Variants in CFLAR observed in about 807,000 individuals in gnomAD.
CFLAR encodes the protein CASP8 and FADD-like apoptosis regulator.
CFLAR carries 14 observed loss-of-function variants against 51.1 expected under a neutral mutation model. The ratio of observed to expected loss-of-function variants is 0.27; its 90% confidence interval spans 0.18 to 0.43. CFLAR has a LOEUF of 0.43. Among genes scored for constraint, CFLAR ranks in the 20% least tolerant of loss-of-function variants. The probability of loss-of-function intolerance (pLI) is 1.00; values close to 1 mark genes in which losing one functional copy is unlikely to be tolerated. For missense variants in CFLAR, 390 were observed against 566.5 expected (o/e 0.69, Z 3.16); for synonymous variants, 210 against 211.6 (o/e 0.99, Z 0.06).
chr2:201,142,756 C>T (rs114016573), intron 5 of CFLAR: 4,172 of 153,142 alleles, frequency 0.027, 98 homozygotes, highest in Middle Eastern at 0.08. Context: ...TGTGCCACCA[C>T]GCCCGGGTAA....
intron 1 of CFLAR, among the ~76,000 whole-genome samples, chr2:201,119,772 T>C (rs1165429128): frequency 6.6e-6 from 1 of 151,806 alleles, no homozygotes; most frequent in Non-Finnish European, 1.5e-5. Flanking sequence ...TTAAAATACA[T>C]GCAAAGTAAA....
intron 8 of CFLAR, among the ~76,000 whole-genome samples, chr2:201,152,357 T>C (rs68044560): frequency 0.25 from 38,137 of 151,954 alleles, 5,656 homozygotes; most frequent in African/African-American, 0.41. Flanking sequence ...TTCTCGGCCT[T>C]CTTAAGTCCC....
rs1942896901 is a variant in CFLAR, at chr2:201,160,805, G to A, written c.1167G>A (p.Lys389=). 1 of 1,614,014 alleles carries A rather than the reference G, an allele frequency of 6.2e-7. No homozygotes were observed. Among genetic ancestry groups the A allele is most frequent in the South Asian group, 1.1e-5 (1 of 91,070 alleles). The change falls in exon 9 of 10, where the codon AAG becomes AAA. Residue 389 remains lysine, a synonymous_variant. Transcript: ENST00000309955. ...AGAATGTGGAATTCAAGGCTCAGAA[G>A]CGAGGGCTGTGCACAGTTCACCGAG... ...AMKNVEFKAQ[K]RGLCTVHREA...
intron 5 of CFLAR, chr2:201,141,832 A>C (rs1180000219): frequency 5.3e-6 from 1 of 187,780 alleles, no homozygotes; most frequent in Non-Finnish European, 1.0e-5. Flanking sequence ...TGTTCATATA[A>C]AGATATGTGG....
At position 201,174,928 on chromosome 2, in the gene CFLAR, CCTCTGGTTACCTTTG is replaced by C. The variant is rs1298553241; in HGVS notation, c.*10958_*10972del. Reference sequence around the variant, plus strand: ...AAAACCATGATGGTGACAGAAGAGACCTCTGGTTACCTTTGCTGCCCATTCTATGGTAATTATAAT... The same window carrying C: ...AAAACCATGATGGTGACAGAAGAGACCTGCCCATTCTATGGTAATTATAAT... On this transcript the variant is annotated 3_prime_UTR_variant, in exon 10 of 10. Transcript: ENST00000309955. 6.6e-6 allele frequency: 1 copy of C among 152,162 alleles called. No individual in the cohort carries two copies. Among genetic ancestry groups the C allele is most frequent in the Admixed American group, 6.6e-5 (1 of 15,260 alleles). The allele number at this position is 152,162 out of a possible 1,614,324, so 9.4% of individuals were successfully genotyped here.
At chr2:201,157,889 T>C (rs1277133449) in intron 8 of CFLAR, 1 of 152,244 alleles carries the variant, frequency 6.6e-6, no homozygotes, top group Non-Finnish European at 1.5e-5. Context: ...TAATGGGAAA[T>C]GTCAGCGGTA....
chr2:201,145,097 C>T (rs1327334819), intron 5 of CFLAR, among the ~76,000 whole-genome samples: 1 of 152,186 alleles, frequency 6.6e-6, no homozygotes, highest in Admixed American at 6.5e-5. Flanking sequence ...AGATGATCCA[C>T]CCACCTTGGC....
At position 201,163,961 on chromosome 2, in the gene CFLAR, C is replaced by G; in HGVS notation, c.1431C>G (p.Leu477=). 7 of 1,613,334 alleles carry G rather than the reference C, an allele frequency of 4.3e-6. No individual in the cohort carries two copies. Among genetic ancestry groups the G allele is most frequent in the Non-Finnish European group, 5.9e-6 (7 of 1,179,752 alleles). The stretch of plus-strand genomic sequence containing the variant: ...ACACTCTGAGAAAGAAACTTATCCT[C>G]TCCTACACATAAGAAACCAAAAGGC... ...LQHTLRKKLI[L]SYT is the part of the protein sequence containing the mutation. The change falls in exon 10 of 10, where the codon CTC becomes CTG. Residue 477 remains leucine (L), a synonymous_variant. Transcript: ENST00000309955.
At chr2:201,163,669 C>T in intron 9 of CFLAR, 166 bp from the exon 10 acceptor site, 1 of 1,423,136 alleles carries the variant, frequency 7.0e-7, no homozygotes, top group African/African-American at 1.4e-5. Flanking sequence ...GCCATCAGGC[C>T]AGAGTATTGC....
intron 2 of CFLAR, 41 bp downstream of exon 2, chr2:201,130,187 G>GGGGGGGGGGGGGA: frequency 2.7e-5 from 8 of 292,384 alleles, no homozygotes; most frequent in Middle Eastern, 1.3e-3. Context: ...GGGTGGGAGG[G>GGGGGGGGGGGGGA]AGTGAAGTGT....
chr2:201,130,187 G>GTGGGGGGGGGGC, intron 2 of CFLAR, 41 bp downstream of exon 2: 1 of 292,394 alleles, frequency 3.4e-6, no homozygotes, highest in Non-Finnish European at 7.1e-6. Context: ...GGGTGGGAGG[G>GTGGGGGGGGGGC]AGTGAAGTGT....
chr2:201,118,990 C>G lies in CFLAR; in HGVS notation c.-138+2509C>G, dbSNP rs886637671. ...GACGTCGGGGCACTGTCCCCCGATACTGGCAGAAAAGGATTGAGTCCTCGC... is the reference window on the plus strand; with the variant it reads ...GACGTCGGGGCACTGTCCCCCGATAGTGGCAGAAAAGGATTGAGTCCTCGC... On this transcript the variant is annotated intron_variant, in intron 1 of 9. Coordinates refer to ENST00000309955, the MANE Select transcript of CFLAR (RefSeq NM_003879.7). The surrounding 1 kb of genome is among the most constrained non-coding windows in gnomAD (Gnocchi z 5.1). 2 of 152,276 alleles carry G rather than the reference C, an allele frequency of 1.3e-5. No homozygotes were observed. Among genetic ancestry groups the G allele is most frequent in the African/African-American group, 4.8e-5 (2 of 41,454 alleles). The allele number at this position is 152,276 out of a possible 1,614,324, so 9.4% of individuals were successfully genotyped here. A position where few individuals can be genotyped will look rare whatever the true frequency, so the allele number is the denominator to read the frequency against.
In CFLAR at chr2:201,173,819, C is replaced by G. The variant is rs1298613740; in HGVS notation, c.*9846C>G. The G allele has an allele frequency of 6.6e-6, 1 of 150,912 alleles. No homozygotes were observed. Among genetic ancestry groups the G allele is most frequent in the East Asian group, 2.0e-4 (1 of 5,100 alleles). The allele number at this position is 150,912 out of a possible 1,614,324, so 9.3% of individuals were successfully genotyped here. ...CCCTAGTAACTGGGATTACAGGCAC[C>G]CACCATCACGCCTGGCTAATTTTTG... is the stretch of plus-strand genomic sequence containing the variant. On this transcript the variant is annotated 3_prime_UTR_variant, in exon 10 of 10. Coordinates refer to ENST00000309955, the MANE Select transcript of CFLAR (RefSeq NM_003879.7).
intron 8 of CFLAR, among the ~76,000 whole-genome samples, chr2:201,156,884 CTTCCTCTATTT>C (rs1942266334): frequency 1.3e-5 from 2 of 152,138 alleles, no homozygotes; most frequent in African/African-American, 4.8e-5. Flanking sequence ...CCAAGTTTTT[CTTCCTCTATTT>C]ATGTGCAAGG....
rs1455349600 is a variant in CFLAR at position 201,175,106 on chromosome 2, C to T, written c.*11133C>T. On this transcript the variant is annotated 3_prime_UTR_variant, in exon 10 of 10. Coordinates refer to ENST00000309955, the MANE Select transcript of CFLAR (RefSeq NM_003879.7). ...TCCTGGAAAACTCATGAATAAGCCA[C>T]CTCTTGTTTAGCGTATAGTCAAGAA... 1.3e-5 allele frequency: 2 copies of T among 152,260 alleles called. No homozygotes were observed. The highest frequency in any genetic ancestry group is 2.4e-5 in the African/African-American group (1 of 41,466). 9.4% of individuals were successfully genotyped at this position (152,260 alleles called of 1,614,324 possible).
intron 5 of CFLAR, chr2:201,142,066 A>G (rs1027283366): frequency 1.3e-5 from 2 of 152,236 alleles, no homozygotes; most frequent in African/African-American, 4.8e-5. Context: ...GCTTGAGCCC[A>G]GGAGTTCGAG....
chr2:201,135,744 C>T (rs2050020247), intron 3 of CFLAR, among the ~76,000 whole-genome samples: 1 of 152,146 alleles, frequency 6.6e-6, no homozygotes, highest in Non-Finnish European at 1.5e-5. Flanking sequence ...TCCACCTCTG[C>T]CTCCTGAGTA....
intron 4 of CFLAR, chr2:201,137,689 G>T: frequency 1.3e-6 from 1 of 761,906 alleles, no homozygotes. Context: ...ATGAGGTAGG[G>T]CACGAACTTC....
chr2:201,145,508 T>TTGGTCATTTCCTTTATCTACATAATC, intron 6 of CFLAR, 76 bp downstream of exon 6: 2 of 967,356 alleles, frequency 2.1e-6, no homozygotes, highest in Non-Finnish European at 3.3e-6. Flanking sequence ...ATTTTTAGAG[T>TTGGTCATTTCCTTTATCTACATAATC]TGGTCATTTC....
Sources: allele counts gnomAD v4.1 joint callset (sites outside exome capture counted in the v4.1 genomes callset), GRCh38; gene constraint gnomAD v4.1.1; non-coding constraint Gnocchi (gnomAD v3.1); transcripts MANE v1.5; gene names NCBI Gene and HGNC (gene_info 2026-07-23, HGNC 2026-07-21).